Variants in WASHC5 observed in about 807,000 individuals in gnomAD.
WASHC5 encodes WASH complex subunit strumpellin.
In WASHC5, 101 loss-of-function variants were observed where a neutral mutation model predicts 150.4. The observed-to-expected ratio is 0.67, with a 90% CI of 0.57 to 0.79. The LOEUF is 0.79. Among genes scored for constraint, WASHC5 ranks in the 30% least tolerant of loss-of-function variants. WASHC5 has a pLI of 0.00. For synonymous variants in WASHC5, 467 were observed against 491.2 expected (o/e 0.95, Z 0.65); for missense variants, 1,195 against 1,396.3 (o/e 0.86, Z 2.30).
rs1162416201 is a variant in WASHC5 at position 125,056,770 on chromosome 8, G to C, written c.1923C>G (p.Ile641Met). ...TAATGTCGTGGGTCTGAAGCTTTAT[G>C]ATCTTTAGAAGAGATGTAAACATGC... ...PESMFTSLLK[I>M]IKLQTHDIIE... Residue 641 changes from isoleucine (I) to methionine (M), a missense_variant, in exon 16 of 29, where the codon ATC becomes ATG. Ile to Met is a conservative substitution (Grantham distance 10, BLOSUM62 1). Around this residue, in one of 3 missense-constraint regions of WASHC5, gnomAD observed 997 missense variants for 1,168.1 expected, o/e 0.85. Coordinates refer to ENST00000318410, the MANE Select transcript of WASHC5 (RefSeq NM_014846.4). The C allele has an allele frequency of 1.2e-6, 2 of 1,613,968 alleles. No homozygotes were observed. The highest frequency in any genetic ancestry group is 1.7e-6 in the Non-Finnish European group (2 of 1,179,966).
In WASHC5 at chr8:125,076,435, G is replaced by A. The variant is rs781517421; in HGVS notation, c.777C>T (p.Tyr259=). 2.2e-5 allele frequency: 36 copies of A among 1,613,758 alleles called. No individual in the cohort carries two copies. The highest frequency in any genetic ancestry group is 1.6e-4 in the Middle Eastern group (1 of 6,082). ...TGGAAGGCTCAAAGTAGAGAATCAC[G>A]TACAGCATGGCAGCTTGGTTTGCCA... ...TALANQAAML[Y]VILYFEPSIL... Residue 259 remains tyrosine (Y), a synonymous_variant, in exon 7 of 29, where the codon TAC becomes TAT. Transcript: ENST00000318410.
At position 125,076,488 on chromosome 8, in the gene WASHC5, G is replaced by C. The variant is rs142924639; in HGVS notation, c.724C>G (p.Pro242Ala). 3 of 1,613,864 alleles carry C rather than the reference G, an allele frequency of 1.9e-6. No individual in the cohort carries two copies. In the African/African-American group the frequency reaches 4.0e-5, roughly 22 times the overall value. ...GCTGTGCTGCGATGCTCCGGCAAAG[G>C]ATACGCTGAGACCTGCAATGTCAAG... ...DDIYNQVSAY[P>A]LPEHRSTALA... The change falls in exon 7 of 29, where the codon CCT (proline) becomes GCT (alanine). Residue 242 changes from proline (P) to alanine (A), a missense_variant. Transcript: ENST00000318410.
At chr8:125,052,403 G>A (rs1187723305) in intron 17 of WASHC5, among the ~76,000 whole-genome samples, 2 of 152,072 alleles carry the variant, frequency 1.3e-5, no homozygotes, top group African/African-American at 4.8e-5. Context: ...TTCCCCTGAA[G>A]TTAACAACAG....
intron 1 of WASHC5, among the ~76,000 whole-genome samples, chr8:125,090,143 C>G (rs1046071468): frequency 2.0e-5 from 3 of 152,202 alleles, no homozygotes; most frequent in African/African-American, 7.2e-5. Context: ...ATTTTATGTA[C>G]TAGACCTCCT....
intron 2 of WASHC5, 115 bp downstream of exon 2, chr8:125,083,598 G>A (rs1034477293): frequency 4.9e-6 from 4 of 819,406 alleles, no homozygotes; most frequent in African/African-American, 1.7e-5. Flanking sequence ...TAGTCGAAAA[G>A]CTCTTCTCTT....
At chr8:125,034,930 G>C (rs919582788) in intron 26 of WASHC5, among the ~76,000 whole-genome samples, 1 of 152,194 alleles carries the variant, frequency 6.6e-6, no homozygotes, top group African/African-American at 2.4e-5. Context: ...GCATTTCATA[G>C]GCCAATGCTG....
intron 1 of WASHC5, among the ~76,000 whole-genome samples, chr8:125,088,386 C>G (rs1817483528): frequency 6.7e-6 from 1 of 148,848 alleles, no homozygotes; most frequent in Non-Finnish European, 1.5e-5. Context: ...GATTGCACCA[C>G]TGCACTCCAG....
At chr8:125,052,556 C>G (rs80040234) in intron 17 of WASHC5, among the ~76,000 whole-genome samples, 9,526 of 151,850 alleles carry the variant, frequency 0.063, 426 homozygotes, top group Non-Finnish European at 0.089. Flanking sequence ...GTATATCACA[C>G]ACATATATTA....
chr8:125,064,599 C>T (rs559916973), intron 10 of WASHC5, among the ~76,000 whole-genome samples: 1 of 151,662 alleles, frequency 6.6e-6, no homozygotes, highest in East Asian at 1.9e-4. Context: ...GGGTGTAACT[C>T]AGGGTTGGGT....
chr8:125,026,649 C>CT (rs1204317010), intron 28 of WASHC5, among the ~76,000 whole-genome samples: 2 of 152,044 alleles, frequency 1.3e-5, no homozygotes, highest in African/African-American at 4.8e-5. Context: ...CATCTATTGA[C>CT]TAATATTCCC....
At chr8:125,068,842 T>C (rs1387810296) in intron 9 of WASHC5, among the ~76,000 whole-genome samples, 3 of 152,260 alleles carry the variant, frequency 2.0e-5, no homozygotes, top group Admixed American at 6.5e-5. Flanking sequence ...GATGTCCTAA[T>C]TCTTAGATGA....
At chr8:125,074,656 T>A (rs1816999245) in intron 8 of WASHC5, among the ~76,000 whole-genome samples, 1 of 152,212 alleles carries the variant, frequency 6.6e-6, no homozygotes, top group African/African-American at 2.4e-5. Context: ...ATCCTACTTA[T>A]AAAAACATAT....
intron 27 of WASHC5, among the ~76,000 whole-genome samples, chr8:125,030,504 G>A (rs1815497354): frequency 3.3e-5 from 5 of 152,022 alleles, no homozygotes; most frequent in Admixed American, 1.3e-4. Flanking sequence ...GGGAAATAAC[G>A]ACATTGGGGT....
intron 8 of WASHC5, among the ~76,000 whole-genome samples, chr8:125,073,680 T>C (rs1387863380): frequency 6.6e-6 from 1 of 152,202 alleles, no homozygotes; most frequent in Non-Finnish European, 1.5e-5. Context: ...ATGAATAACA[T>C]ATGGACTATA....
chr8:125,039,706 C>T (rs1815829070), intron 24 of WASHC5, 89 bp downstream of exon 24: 2 of 895,738 alleles, frequency 2.2e-6, no homozygotes, highest in Non-Finnish European at 3.7e-6. Flanking sequence ...CCAAAAATAA[C>T]TTAAAAGAGT....
chr8:125,032,656 T>C (rs1054000808), intron 26 of WASHC5: 1 of 478,218 alleles, frequency 2.1e-6, no homozygotes, highest in African/African-American at 2.0e-5. Context: ...AATTACTCAA[T>C]TAACATATAT....
At chr8:125,053,550 C>T (rs1816312815) in intron 17 of WASHC5, among the ~76,000 whole-genome samples, 1 of 152,126 alleles carries the variant, frequency 6.6e-6, no homozygotes, top group Non-Finnish European at 1.5e-5. Flanking sequence ...CTCTACACAT[C>T]AATTGAATTC....
intron 1 of WASHC5, among the ~76,000 whole-genome samples, chr8:125,090,541 T>C (rs1817575927): frequency 6.6e-6 from 1 of 152,220 alleles, no homozygotes; most frequent in African/African-American, 2.4e-5. Context: ...TATATTTTCT[T>C]ATTTTCTTTT....
rs1285606315 is a variant in WASHC5, at chr8:125,081,736, A to G, written c.443T>C (p.Val148Ala). 6.2e-7 allele frequency: 1 copy of G among 1,611,216 alleles called. No individual in the cohort carries two copies. The highest frequency in any genetic ancestry group is 8.5e-7 in the Non-Finnish European group (1 of 1,177,616). Residue 148 changes from valine to alanine, a missense_variant, in exon 5 of 29, where the codon GTT (valine) becomes GCT (alanine). Transcript: ENST00000318410. ...LLCEALYLYG[V>A]MLLVIDQKIE... ...CTTTTGGTCAATGACCAGTAGCATA[A>G]CTCCATATAAGTACAGTGCTTCACA...
Sources: gnomAD v4.1 joint callset for allele counts (sites outside exome capture counted in the v4.1 genomes callset) on GRCh38, gnomAD v4.1.1 for gene constraint, gnomAD v4.1.1 regional missense constraint, MANE v1.5 for transcripts, NCBI Gene and HGNC (gene_info 2026-07-23, HGNC 2026-07-21) for gene names.